The following LRRC1 variants were observed in gnomAD, a reference collection of about 807,000 sequenced individuals.
The protein encoded by LRRC1 is leucine-rich repeat-containing protein 1.
LRRC1 carries 28 observed loss-of-function variants against 69.9 expected under a neutral mutation model. The ratio of observed to expected loss-of-function variants is 0.40; its 90% CI spans 0.30 to 0.55. The LOEUF is 0.55. LRRC1 is among the 20% of genes least tolerant of loss of function. The pLI, the probability that LRRC1 is intolerant of heterozygous loss-of-function variation, is 0.47. For synonymous variants in LRRC1, 236 were observed against 240.2 expected, an observed-to-expected ratio of 0.98 and a Z score of 0.16; for missense variants, 498 against 609.0, an observed-to-expected ratio of 0.82 and a Z score of 1.92.
At chr6:53,883,053 T>A in intron 4 of LRRC1, 77 bp downstream of exon 4, 1 of 839,120 alleles carries the variant, frequency 1.2e-6, no homozygotes, top group Non-Finnish European at 1.9e-6. Context: ...CCTTCCCTTT[T>A]AAAGCTCCTA....
intron 1 of LRRC1, 102 bp from the exon 2 acceptor site, chr6:53,842,008 C>A: frequency 1.5e-6 from 1 of 689,048 alleles, no homozygotes; most frequent in East Asian, 2.7e-5. Context: ...TTGCTACAAC[C>A]TTCATTAGTT....
chr6:53,848,495 A>G (rs936900437), intron 2 of LRRC1, among the ~76,000 whole-genome samples: 3 of 152,154 alleles, frequency 2.0e-5, no homozygotes, highest in Non-Finnish European at 4.4e-5. Context: ...AACTTTACAC[A>G]TATGTCTCTT....
chr6:53,872,670 A>G (rs1759139261), intron 2 of LRRC1, among the ~76,000 whole-genome samples: 1 of 151,044 alleles, frequency 6.6e-6, no homozygotes, highest in African/African-American at 2.4e-5. Flanking sequence ...TATGAAGAAT[A>G]TCAGTGGTAT....
intron 10 of LRRC1, among the ~76,000 whole-genome samples, chr6:53,911,705 G>T (rs1289251112): frequency 6.6e-6 from 1 of 152,204 alleles, no homozygotes; most frequent in Non-Finnish European, 1.5e-5. Flanking sequence ...CCTCCACCTG[G>T]AGCAGGGATG....
chr6:53,872,086 A>G (rs1001567780), intron 2 of LRRC1, among the ~76,000 whole-genome samples: 24 of 152,232 alleles, frequency 1.6e-4, no homozygotes, highest in African/African-American at 5.8e-4. Context: ...TTCAGGTCTT[A>G]CATTTAAGGC....
At chr6:53,856,022 T>G (rs1046101841) in intron 2 of LRRC1, among the ~76,000 whole-genome samples, 3 of 152,202 alleles carry the variant, frequency 2.0e-5, no homozygotes, top group African/African-American at 7.2e-5. Context: ...TTTATTCTTA[T>G]CTCCAAAACC....
intron 2 of LRRC1, among the ~76,000 whole-genome samples, chr6:53,857,120 CAG>C (rs750381258): frequency 6.6e-6 from 1 of 152,036 alleles, no homozygotes; most frequent in Non-Finnish European, 1.5e-5. Context: ...TTCTGAGGCT[CAG>C]GGGAGAAACT....
At chr6:53,915,176 T>A (rs888620733) in intron 11 of LRRC1, among the ~76,000 whole-genome samples, 57 of 152,174 alleles carry the variant, frequency 3.7e-4, no homozygotes, top group African/African-American at 1.4e-3. Flanking sequence ...GCCAGCAGTC[T>A]AAAGAGTGTT....
In LRRC1 at chr6:53,823,596, CCTAGATATTAAGCCTA is replaced by C. The variant is rs373209922; in HGVS notation, c.160-18513_160-18498del. On this transcript the variant is annotated intron_variant, in intron 1 of 13. Coordinates refer to ENST00000370888, the MANE Select transcript of LRRC1 (RefSeq NM_018214.5). ...GTTTGTTGTACAGATTATTTTGTCA[CCTAGATATTAAGCCTA>C]GTACCCATTAGTTATTTTTCTTGAT... 4.3e-3 allele frequency among the ~76,000 whole-genome samples: 659 copies of C among 152,236 alleles called. 6 individuals are homozygous for C. The highest frequency in any genetic ancestry group is 0.015 in the African/African-American group (614 of 41,522).
At chr6:53,853,033 T>C (rs9296720) in intron 2 of LRRC1, among the ~76,000 whole-genome samples, 38,086 of 152,070 alleles carry the variant, frequency 0.25, 4,914 homozygotes, top group South Asian at 0.26. Flanking sequence ...CTTGTTGCCA[T>C]GTCCTCACAT....
At chr6:53,854,081 C>A (rs1766233561) in intron 2 of LRRC1, among the ~76,000 whole-genome samples, 1 of 152,190 alleles carries the variant, frequency 6.6e-6, no homozygotes, top group Admixed American at 6.5e-5. Context: ...TCTGAGCAAA[C>A]CAACTGACCT....
chr6:53,847,791 A>G (rs1765995013), intron 2 of LRRC1, among the ~76,000 whole-genome samples: 1 of 152,256 alleles, frequency 6.6e-6, no homozygotes, highest in Non-Finnish European at 1.5e-5. Flanking sequence ...GATAGCATCA[A>G]ATCATGGTAC....
At chr6:53,817,043 T>C (rs4265033) in intron 1 of LRRC1, among the ~76,000 whole-genome samples, 125,521 of 152,130 alleles carry the variant, frequency 0.83, 51,989 homozygotes, top group East Asian at 0.92. Flanking sequence ...TTGACAAATG[T>C]AGAAATGTTT....
chr6:53,807,982 G>A (rs1764683631), intron 1 of LRRC1, among the ~76,000 whole-genome samples: 1 of 152,230 alleles, frequency 6.6e-6, no homozygotes, highest in African/African-American at 2.4e-5. Context: ...CTTGGCATGG[G>A]CAGTAGGAAA....
Position 53,917,305 on chromosome 6 carries a change from C to T in LRRC1, c.1107-2193C>T, listed in dbSNP as rs184722681. Among the ~76,000 whole-genome samples, 25 of 152,250 alleles carry T rather than the reference C, an allele frequency of 1.6e-4. No individual in the cohort carries two copies. The East Asian group carries it at 3.9e-3, about 24-fold the overall frequency. ...GGACACCACTGGCAACACTTCTGTC[C>T]GCAAGACAGTGGGCAGCTCATGTGT... On this transcript the variant is annotated intron_variant, in intron 11 of 13. Coordinates refer to ENST00000370888, the MANE Select transcript of LRRC1 (RefSeq NM_018214.5).
Position 53,924,084 on chromosome 6 carries a change from T to C in LRRC1, c.*1291T>C, listed in dbSNP as rs9474685. ...TGGTGTCTAGGAAAATCATATATAT[T>C]TTTTTCTCCAAGAAATAAATTCATC... is the stretch of plus-strand genomic sequence containing the variant. On this transcript the variant is annotated 3_prime_UTR_variant, in exon 14 of 14. Transcript: ENST00000370888. 6.6e-6 allele frequency: 1 copy of C among 152,670 alleles called. No homozygotes were observed. The highest frequency in any genetic ancestry group is 1.5e-5 in the Non-Finnish European group (1 of 68,038). 9.5% of individuals were successfully genotyped at this position (152,670 alleles called of 1,614,324 possible).
At chr6:53,874,726 G>A (rs1481328622) in intron 2 of LRRC1, among the ~76,000 whole-genome samples, 3 of 152,148 alleles carry the variant, frequency 2.0e-5, no homozygotes, top group African/African-American at 7.2e-5. Flanking sequence ...ACTGGTGGAA[G>A]AAACAGCAAG....
intron 1 of LRRC1, among the ~76,000 whole-genome samples, chr6:53,819,744 G>T (rs770855855): frequency 6.6e-6 from 1 of 152,048 alleles, no homozygotes; most frequent in African/African-American, 2.4e-5. Flanking sequence ...TATTTTGTCT[G>T]GTTATGCTAC....
intron 4 of LRRC1, among the ~76,000 whole-genome samples, chr6:53,890,308 C>T (rs1050193796): frequency 6.6e-6 from 1 of 152,182 alleles, no homozygotes; most frequent in African/African-American, 2.4e-5. Flanking sequence ...GTTATTCAGT[C>T]ACTAAAAGGT....
Sources: gnomAD v4.1 joint callset for allele counts (sites outside exome capture counted in the v4.1 genomes callset) on GRCh38, gnomAD v4.1.1 for gene constraint, MANE v1.5 for transcripts, NCBI Gene and HGNC (gene_info 2026-07-23, HGNC 2026-07-21) for gene names.